Variants in TTPAL observed in about 807,000 individuals in gnomAD.
TTPAL encodes alpha-tocopherol transfer protein-like.
In TTPAL, 21 loss-of-function variants were observed where a neutral mutation model predicts 28.7. The observed-to-expected ratio is 0.73, with a 90% CI of 0.52 to 1.06. The LOEUF (loss-of-function observed/expected upper bound fraction) is 1.06. Among genes scored for constraint, TTPAL ranks in the 50% least tolerant of loss-of-function variants. The pLI, the probability that TTPAL is intolerant of heterozygous loss-of-function variation, is 0.00. For missense variants in TTPAL, 345 were observed against 425.5 expected, an observed-to-expected ratio of 0.81 and a Z score of 1.67; for synonymous variants, 169 against 171.9, an observed-to-expected ratio of 0.98 and a Z score of 0.13.
intron 1 of TTPAL, chr20:44,478,531 C>T (rs1021046559): frequency 6.6e-6 from 1 of 152,214 alleles, no homozygotes; most frequent in African/African-American, 2.4e-5. Context: ...CACATATTCC[C>T]GACTGCCACG....
intron 4 of TTPAL, among the ~76,000 whole-genome samples, chr20:44,487,018 C>T (rs568736873): frequency 3.2e-4 from 49 of 151,980 alleles, no homozygotes; most frequent in East Asian, 2.3e-3. Context: ...CAGTGGCTCA[C>T]GCCTGTAATC....
At chr20:44,487,689 T>C (rs2122914313) in intron 4 of TTPAL, among the ~76,000 whole-genome samples, 1 of 152,322 alleles carries the variant, frequency 6.6e-6, no homozygotes, top group East Asian at 1.9e-4. Context: ...CCAGTCCCAC[T>C]GATTGAAATG....
At chr20:44,485,389 A>G (rs2064142731) in intron 3 of TTPAL, among the ~76,000 whole-genome samples, 1 of 152,136 alleles carries the variant, frequency 6.6e-6, no homozygotes, top group Non-Finnish European at 1.5e-5. Flanking sequence ...GGCAAGGCAA[A>G]AACTATTTTT....
chr20:44,479,007 T>C (rs144953951), intron 1 of TTPAL, among the ~76,000 whole-genome samples: 1 of 152,354 alleles, frequency 6.6e-6, no homozygotes, highest in East Asian at 1.9e-4. Context: ...GCGAGGATGG[T>C]CTCGATCGCC....
At position 44,489,797 on chromosome 20, in the gene TTPAL, G is replaced by A. The variant is rs2064188228; in HGVS notation, c.*256G>A. The A allele has an allele frequency of 4.3e-6, 2 of 462,354 alleles. No homozygotes were observed. The highest frequency in any genetic ancestry group is 7.9e-5 in the Admixed American group (2 of 25,438). 28.6% of individuals were successfully genotyped at this position (462,354 alleles called of 1,614,324 possible). On this transcript the variant is annotated 3_prime_UTR_variant, in exon 5 of 5. Transcript: ENST00000262605. ...CCCAGTCTGCAACTATTAATCTGGA[G>A]GCTATATCTATTTTGTTTTGCTTTT...
intron 2 of TTPAL, among the ~76,000 whole-genome samples, chr20:44,481,079 T>C (rs1035971886): frequency 6.6e-6 from 1 of 152,224 alleles, no homozygotes; most frequent in Non-Finnish European, 1.5e-5. Context: ...GTGCCTCCTC[T>C]GTGCCTCCTC....
rs551273467 is a variant in TTPAL at position 44,494,337 on chromosome 20, A to G, written c.*4796A>G. The G allele has an allele frequency of 1.9e-4, 29 of 152,812 alleles. No homozygotes were observed. The highest frequency in any genetic ancestry group is 1.9e-3 in the South Asian group (9 of 4,824). 9.5% of individuals were successfully genotyped at this position (152,812 alleles called of 1,614,324 possible). ...AAGTGAAATACTTGAAACCTCTCTG[A>G]CCAAGAGCCTCTGATGGAGTGGGAG... is the stretch of plus-strand genomic sequence containing the variant. On this transcript the variant is annotated 3_prime_UTR_variant, in exon 5 of 5. Transcript: ENST00000262605.
intron 2 of TTPAL, among the ~76,000 whole-genome samples, chr20:44,483,851 G>GTAC (rs2064128322): frequency 6.6e-6 from 1 of 152,230 alleles, no homozygotes; most frequent in South Asian, 2.1e-4. Flanking sequence ...CCAGGCTGGA[G>GTAC]TACAGTGGCA....
rs2064217137 is a variant in TTPAL at position 44,492,578 on chromosome 20, GTTTTTTTCCT to G, written c.*3047_*3056del. The G allele has an allele frequency of 1.3e-5, 2 of 151,996 alleles. No homozygotes were observed. The highest frequency in any genetic ancestry group is 2.9e-5 in the Non-Finnish European group (2 of 67,998). 9.4% of individuals were successfully genotyped at this position (151,996 alleles called of 1,614,324 possible). On this transcript the variant is annotated 3_prime_UTR_variant, in exon 5 of 5. Coordinates refer to ENST00000262605, the MANE Select transcript of TTPAL (RefSeq NM_001039199.3). ...GACACTGTACTCTCTCTTTTTAGAA[GTTTTTTTCCT>G]TTTTTTTCCCCCTCAATTGGCTTAT...
At chr20:44,479,448 G>C (rs890001949) in intron 1 of TTPAL, among the ~76,000 whole-genome samples, 6 of 138,824 alleles carry the variant, frequency 4.3e-5, no homozygotes, top group Non-Finnish European at 7.6e-5. Context: ...GCTGTGGCTG[G>C]AGTGCAGCAG....
chr20:44,480,471 TGTGTGTCCA>T lies in TTPAL; in HGVS notation c.445+30_445+38del, dbSNP rs2064094189. 6.4e-7 allele frequency: 1 copy of T among 1,555,444 alleles called. No homozygotes were observed. The highest frequency in any genetic ancestry group is 8.7e-7 in the Non-Finnish European group (1 of 1,149,992). On this transcript the variant is annotated intron_variant, in intron 2 of 4. Coordinates refer to ENST00000262605, the MANE Select transcript of TTPAL (RefSeq NM_001039199.3). This position sits in a 1 kb window ranked among gnomAD's most constrained non-coding sequence, Gnocchi z 4.1. ...TATCTCCCTAGACTGTTGTGGGGTG[TGTGTGTCCA>T]GTCCTTCTGCAGTGTGTCCATTCAG...
chr20:44,494,545 T>C lies in TTPAL; in HGVS notation c.*5004T>C, dbSNP rs1414580472. 9 of 145,832 alleles carry C rather than the reference T, an allele frequency of 6.2e-5. No individual in the cohort carries two copies. Among genetic ancestry groups the C allele is most frequent in the Admixed American group, 6.1e-4 (9 of 14,698 alleles). 9.0% of individuals were successfully genotyped at this position (145,832 alleles called of 1,614,324 possible). A position where few individuals can be genotyped will look rare whatever the true frequency, so the allele number is the denominator to read the frequency against. On this transcript the variant is annotated 3_prime_UTR_variant, in exon 5 of 5. Coordinates refer to ENST00000262605, the MANE Select transcript of TTPAL (RefSeq NM_001039199.3). Reference sequence around the variant, plus strand: ...TTTCTAAGTCAAAGTGGTGAAAATATGTAATAATTTTAGTATGCATGACTC... The same window carrying C: ...TTTCTAAGTCAAAGTGGTGAAAATACGTAATAATTTTAGTATGCATGACTC...
Position 44,492,241 on chromosome 20 carries a change from G to A in TTPAL, c.*2700G>A, listed in dbSNP as rs1267442419. 6.6e-6 allele frequency: 1 copy of A among 152,392 alleles called. No individual in the cohort carries two copies. The highest frequency in any genetic ancestry group is 1.9e-4 in the East Asian group (1 of 5,330). 9.4% of individuals were successfully genotyped at this position (152,392 alleles called of 1,614,324 possible). ...GCAGGGTGGGGAATGACCAGCCAGG[G>A]AGCACAGTGAGCCTTACTCAGCACT... On this transcript the variant is annotated 3_prime_UTR_variant, in exon 5 of 5. Coordinates refer to ENST00000262605, the MANE Select transcript of TTPAL (RefSeq NM_001039199.3).
At chr20:44,479,421 T>C (rs887428034) in intron 1 of TTPAL, among the ~76,000 whole-genome samples, 2 of 144,000 alleles carry the variant, frequency 1.4e-5, no homozygotes, top group Admixed American at 6.9e-5. Flanking sequence ...TTTTTTTTTT[T>C]TTTTTTTGAG....
chr20:44,483,712 G>A (rs2064127031), intron 2 of TTPAL, among the ~76,000 whole-genome samples: 1 of 152,168 alleles, frequency 6.6e-6, no homozygotes, highest in Non-Finnish European at 1.5e-5. Flanking sequence ...AGGACATCGG[G>A]GCTCAGAGTG....
Position 44,480,019 on chromosome 20 carries a change from C to G in TTPAL, c.20C>G (p.Ser7Cys). ...TAGCTAATGTCCGAAGAAAGTGACT[C>G]TCTGAGAACCAGCCCTTCTGTGGCC... MSEESDSLRTSPSVASL... is the reference protein window; with the variant it reads MSEESDCLRTSPSVASL... Residue 7 changes from serine (S) to cysteine (C), a missense_variant, in exon 2 of 5, where the codon TCT becomes TGT. Ser to Cys is a moderately radical substitution (Grantham distance 112, BLOSUM62 -1). Transcript: ENST00000262605. This position sits in a 1 kb window ranked among gnomAD's most constrained non-coding sequence, Gnocchi z 4.1. The G allele has an allele frequency of 1.2e-6, 2 of 1,613,502 alleles. No homozygotes were observed. Among genetic ancestry groups the G allele is most frequent in the Non-Finnish European group, 1.7e-6 (2 of 1,179,504 alleles).
intron 1 of TTPAL, among the ~76,000 whole-genome samples, chr20:44,479,094 A>T (rs923661141): frequency 6.6e-6 from 1 of 152,088 alleles, no homozygotes; most frequent in Non-Finnish European, 1.5e-5. Flanking sequence ...CGGCCCCCTA[A>T]TTCTTTTTCA....
In TTPAL at chr20:44,480,012, A is replaced by G. The variant is rs2064086551; in HGVS notation, c.13A>G (p.Ser5Gly). Reference protein sequence around the residue: MSEESDSLRTSPSVA... With the variant: MSEEGDSLRTSPSVA... ...ACCTTGGTAGCTAATGTCCGAAGAA[A>G]GTGACTCTCTGAGAACCAGCCCTTC... Residue 5 changes from serine (S) to glycine (G), a missense_variant, in exon 2 of 5, where the codon AGT becomes GGT. Transcript: ENST00000262605. This position sits in a 1 kb window ranked among gnomAD's most constrained non-coding sequence, Gnocchi z 4.1. The G allele has an allele frequency of 1.2e-6, 2 of 1,613,072 alleles. No homozygotes were observed. Among genetic ancestry groups the G allele is most frequent in the Non-Finnish European group, 1.7e-6 (2 of 1,179,210 alleles).
At position 44,490,196 on chromosome 20, in the gene TTPAL, G is replaced by A. The variant is rs1180408124; in HGVS notation, c.*655G>A. The A allele has an allele frequency of 6.6e-6, 1 of 152,452 alleles. No homozygotes were observed. The highest frequency in any genetic ancestry group is 1.5e-5 in the Non-Finnish European group (1 of 68,126). 9.4% of individuals were successfully genotyped at this position (152,452 alleles called of 1,614,324 possible). ...GCACCTCTGGGACCCACTGGTTGAA[G>A]TTTGCAATAGAAACTTAAGTTTTCC... On this transcript the variant is annotated 3_prime_UTR_variant, in exon 5 of 5. Transcript: ENST00000262605.
Sources: gnomAD v4.1 joint callset for allele counts (sites outside exome capture counted in the v4.1 genomes callset) on GRCh38, gnomAD v4.1.1 for gene constraint, Gnocchi (gnomAD v3.1) non-coding constraint, MANE v1.5 for transcripts, NCBI Gene and HGNC (gene_info 2026-07-23, HGNC 2026-07-21) for gene names.